The following CYYR1 variants were observed in gnomAD, a reference collection of about 807,000 sequenced individuals.
CYYR1 encodes the protein cysteine and tyrosine-rich protein 1.
Under a neutral mutation model 15.2 loss-of-function variants are expected in CYYR1, and 14 were observed. That is an observed-to-expected ratio of 0.92 (90% CI 0.61 to 1.44). CYYR1 has a LOEUF of 1.44. Among genes scored for constraint, CYYR1 ranks in the 40% most tolerant of loss-of-function variants. The pLI is 0.00. For missense variants in CYYR1, 228 were observed against 209.5 expected, an observed-to-expected ratio of 1.09 and a Z score of -0.54; for synonymous variants, 80 against 77.4, an observed-to-expected ratio of 1.03 and a Z score of -0.18.
intron 2 of CYYR1, among the ~76,000 whole-genome samples, chr21:26,510,371 C>T (rs1334118228): frequency 2.6e-5 from 4 of 152,124 alleles, no homozygotes; most frequent in Non-Finnish European, 5.9e-5. Context: ...GATACCTAGC[C>T]AGTGAGGTAG....
intron 2 of CYYR1, among the ~76,000 whole-genome samples, chr21:26,530,061 CCA>C (rs1238782949): frequency 6.6e-6 from 1 of 152,056 alleles, no homozygotes; most frequent in Non-Finnish European, 1.5e-5. Context: ...AATAAATAAA[CCA>C]TTCTTCTATC....
rs1000139607 is a variant in CYYR1 at position 26,466,961 on chromosome 21, T to C, written c.*1540A>G. 6 of 152,300 alleles carry C rather than the reference T, an allele frequency of 3.9e-5. No individual in the cohort carries two copies. The highest frequency in any genetic ancestry group is 2.6e-4 in the Admixed American group (4 of 15,290). 9.4% of individuals were successfully genotyped at this position (152,300 alleles called of 1,614,324 possible). A position where few individuals can be genotyped will look rare whatever the true frequency, so the allele number is the denominator to read the frequency against. ...CAGTCAGATCAATATCTTTCTAATA[T>C]AGGTATTTGAAAGTAATATATGCTA... On this transcript the variant is annotated 3_prime_UTR_variant, in exon 4 of 4. Transcript: ENST00000652641.
chr21:26,573,174 G>C lies in CYYR1; in HGVS notation c.-234C>G, dbSNP rs1243519954. 1.4e-6 allele frequency: 2 copies of C among 1,479,556 alleles called. No homozygotes were observed. Among genetic ancestry groups the C allele is most frequent in the East Asian group, 2.7e-5 (1 of 36,496 alleles). 91.7% of individuals were successfully genotyped at this position (1,479,556 alleles called of 1,614,324 possible). On this transcript the variant is annotated 5_prime_UTR_variant, in exon 1 of 4. Coordinates refer to ENST00000652641, the MANE Select transcript of CYYR1 (RefSeq NM_001320768.2). The stretch of plus-strand genomic sequence containing the variant: ...CGTGGCCCGAGACGGGCTGCGCTGG[G>C]GGCCCAGGTCTCTTTGTCTCGCCCC...
chr21:26,511,218 C>A (rs1463745225), intron 2 of CYYR1, among the ~76,000 whole-genome samples: 1 of 152,178 alleles, frequency 6.6e-6, no homozygotes, highest in Non-Finnish European at 1.5e-5. Flanking sequence ...ATGTTTCTTG[C>A]CACTGGTATC....
chr21:26,562,727 A>AACACAC (rs58990363), intron 2 of CYYR1, among the ~76,000 whole-genome samples: 31 of 131,704 alleles, frequency 2.4e-4, no homozygotes, highest in East Asian at 4.8e-4. Flanking sequence ...TCTCCTCCTA[A>AACACAC]ACACACACAC....
intron 2 of CYYR1, among the ~76,000 whole-genome samples, chr21:26,491,118 A>G (rs970271306): frequency 8.5e-5 from 13 of 152,192 alleles, no homozygotes; most frequent in Non-Finnish European, 1.6e-4. Flanking sequence ...CTAGAGCCAA[A>G]TAGATACAGC....
intron 2 of CYYR1, chr21:26,503,721 T>G (rs2065513468): frequency 6.6e-6 from 1 of 152,140 alleles, no homozygotes; most frequent in Non-Finnish European, 1.5e-5. Flanking sequence ...TATTTTTAAG[T>G]CACAATAAAA....
chr21:26,486,652 A>G (rs767380771), intron 2 of CYYR1, among the ~76,000 whole-genome samples: 3 of 152,028 alleles, frequency 2.0e-5, no homozygotes, highest in Non-Finnish European at 4.4e-5. Flanking sequence ...ATGAGATTTT[A>G]TAATCAAGAT....
rs184673119 is a variant in CYYR1 at position 26,466,334 on chromosome 21, G to A, written c.*2167C>T. On this transcript the variant is annotated 3_prime_UTR_variant, in exon 4 of 4. Coordinates refer to ENST00000652641, the MANE Select transcript of CYYR1 (RefSeq NM_001320768.2). ...CACATCCTATACTATTTTTCCCCAA[G>A]AAGCATCATCTATGAAAACAATCAG... The A allele has an allele frequency of 2.0e-4, 30 of 152,248 alleles. No individual in the cohort carries two copies. The highest frequency in any genetic ancestry group is 1.8e-3 in the Admixed American group (28 of 15,288). 9.4% of individuals were successfully genotyped at this position (152,248 alleles called of 1,614,324 possible). A position where few individuals can be genotyped will look rare whatever the true frequency, so the allele number is the denominator to read the frequency against.
intron 3 of CYYR1, among the ~76,000 whole-genome samples, chr21:26,471,970 A>G (rs1480534319): frequency 1.3e-5 from 2 of 152,190 alleles, no homozygotes; most frequent in Non-Finnish European, 2.9e-5. Flanking sequence ...ACTCAGGCCA[A>G]TATTTCTAAA....
chr21:26,566,256 G>A lies in CYYR1; in HGVS notation c.176+10C>T, dbSNP rs555709305. 6.9e-5 allele frequency: 110 copies of A among 1,598,940 alleles called. 2 individuals are homozygous for A. In the South Asian group the frequency reaches 1.1e-3, roughly 16 times the overall value. On this transcript the variant is annotated intron_variant, in intron 2 of 3. Coordinates refer to ENST00000652641, the MANE Select transcript of CYYR1 (RefSeq NM_001320768.2). ...GAGCATCAGTATTGCCAAATCTGAC[G>A]AATACTCACGAGAGGATATTCCCAA...
chr21:26,467,428 A>T lies in CYYR1; in HGVS notation c.*1073T>A, dbSNP rs1000085472. 3.3e-5 allele frequency: 5 copies of T among 152,162 alleles called. No homozygotes were observed. Among genetic ancestry groups the T allele is most frequent in the Non-Finnish European group, 5.9e-5 (4 of 68,014 alleles). The allele number at this position is 152,162 out of a possible 1,614,324, so 9.4% of individuals were successfully genotyped here. A position where few individuals can be genotyped will look rare whatever the true frequency, so the allele number is the denominator to read the frequency against. On this transcript the variant is annotated 3_prime_UTR_variant, in exon 4 of 4. Transcript: ENST00000652641. Reference sequence around the variant, plus strand: ...ATCAAAATTTTACGAAGAAGAAAAAAATAATAGTTTTAAGGAAATCTACAG... The same window carrying T: ...ATCAAAATTTTACGAAGAAGAAAAATATAATAGTTTTAAGGAAATCTACAG...
chr21:26,521,793 T>C (rs1474348243), intron 2 of CYYR1, among the ~76,000 whole-genome samples: 1 of 152,144 alleles, frequency 6.6e-6, no homozygotes, highest in Non-Finnish European at 1.5e-5. Context: ...AAGAAGAAAA[T>C]ATGAAAAGAC....
In CYYR1 at chr21:26,515,576, G is replaced by A. The variant is rs1002356415; in HGVS notation, c.177-35147C>T. ...GGGGTTTTGTCATGTTGCCCAGGCT[G>A]GTCCTGAACTCCTGAGTTCAAGTGA... is the stretch of plus-strand genomic sequence containing the variant. On this transcript the variant is annotated intron_variant, in intron 2 of 3. Transcript: ENST00000652641. Among the ~76,000 whole-genome samples the A allele has an allele frequency of 5.9e-5, 9 of 151,992 alleles. 1 individual carries two copies. Among genetic ancestry groups the A allele is most frequent in the African/African-American group, 2.2e-4 (9 of 41,370 alleles).
rs568653719 is a variant in CYYR1 at position 26,573,190 on chromosome 21, G to A, written c.-250C>T. The A allele has an allele frequency of 6.8e-6, 10 of 1,462,038 alleles. No individual in the cohort carries two copies. In the East Asian group the frequency reaches 2.6e-4, roughly 38 times the overall value. The allele number at this position is 1,462,038 out of a possible 1,614,324, so 90.6% of individuals were successfully genotyped here. ...CTGCGCTGGGGGCCCAGGTCTCTTT[G>A]TCTCGCCCCACTGCGCTCAGGCGCG... On this transcript the variant is annotated 5_prime_UTR_variant, in exon 1 of 4. Coordinates refer to ENST00000652641, the MANE Select transcript of CYYR1 (RefSeq NM_001320768.2).
At chr21:26,554,725 G>A (rs1229928270) in intron 2 of CYYR1, among the ~76,000 whole-genome samples, 5 of 151,998 alleles carry the variant, frequency 3.3e-5, no homozygotes, top group African/African-American at 1.2e-4. Flanking sequence ...TGACCTTGCA[G>A]AAGTCATTTT....
intron 2 of CYYR1, among the ~76,000 whole-genome samples, chr21:26,505,981 AC>A (rs1232458658): frequency 1.3e-5 from 2 of 152,130 alleles, no homozygotes; most frequent in Non-Finnish European, 2.9e-5. Context: ...TACAATATAT[AC>A]ATATTAAATA....
intron 2 of CYYR1, among the ~76,000 whole-genome samples, chr21:26,501,194 TG>T (rs1007164968): frequency 6.6e-6 from 1 of 152,088 alleles, no homozygotes; most frequent in Admixed American, 6.5e-5. Context: ...AAAAATTAGC[TG>T]GGCGTGGTGG....
At chr21:26,546,774 G>A (rs1601817067) in intron 2 of CYYR1, among the ~76,000 whole-genome samples, 1 of 152,176 alleles carries the variant, frequency 6.6e-6, no homozygotes, top group African/African-American at 2.4e-5. Flanking sequence ...CAACCCGAGA[G>A]AGAAAGCTTT....
Sources: gnomAD v4.1 joint callset for allele counts (sites outside exome capture counted in the v4.1 genomes callset) on GRCh38, gnomAD v4.1.1 for gene constraint, MANE v1.5 for transcripts, NCBI Gene and HGNC (gene_info 2026-07-23, HGNC 2026-07-21) for gene names.